Variants in KPNA3 observed in about 807,000 individuals in gnomAD.
KPNA3 encodes the protein importin subunit alpha-4.
KPNA3 carries 13 observed loss-of-function variants against 73.8 expected under a neutral mutation model. The ratio of observed to expected loss-of-function variants is 0.18; its 90% CI spans 0.11 to 0.28. The LOEUF (loss-of-function observed/expected upper bound fraction) is 0.28. KPNA3 is among the 10% of genes least tolerant of loss of function. KPNA3 has a pLI of 1.00. For missense variants in KPNA3, 360 were observed against 618.1 expected (o/e 0.58, Z 4.43); for synonymous variants, 186 against 206.9 (o/e 0.90, Z 0.87).
intron 1 of KPNA3, among the ~76,000 whole-genome samples, chr13:49,753,195 A>G (rs890515803): frequency 2.6e-5 from 4 of 152,100 alleles, no homozygotes; most frequent in Non-Finnish European, 5.9e-5. Context: ...CTGAAATTAG[A>G]AGACTTGAAC....
rs978034263 is a variant in KPNA3, at chr13:49,700,187, A to C, written c.*1613T>G. 2 of 152,640 alleles carry C rather than the reference A, an allele frequency of 1.3e-5. No homozygotes were observed. The highest frequency in any genetic ancestry group is 1.3e-4 in the Admixed American group (2 of 15,282). 9.5% of individuals were successfully genotyped at this position (152,640 alleles called of 1,614,324 possible). On this transcript the variant is annotated 3_prime_UTR_variant, in exon 17 of 17. Transcript: ENST00000261667. The stretch of plus-strand genomic sequence containing the variant: ...AGTGGCTCCACCTTGGCAGATACAT[A>C]TATTTGTAATGAATGCACACCTGCT...
In KPNA3 at chr13:49,774,778, C is replaced by T. The variant is rs1179535338; in HGVS notation, c.69+17660G>A. 4.6e-5 allele frequency among the ~76,000 whole-genome samples: 7 copies of T among 152,326 alleles called. No individual in the cohort carries two copies. The East Asian group carries it at 1.3e-3, about 29-fold the overall frequency. On this transcript the variant is annotated intron_variant, in intron 1 of 16. Coordinates refer to ENST00000261667, the MANE Select transcript of KPNA3 (RefSeq NM_002267.4). ...TGATAAACCTGGCTATGCCCCCTAACTGCTGCATGGAGCTATGTCTAACGT... is the reference window on the plus strand; with the variant it reads ...TGATAAACCTGGCTATGCCCCCTAATTGCTGCATGGAGCTATGTCTAACGT...
rs1451760712 is a variant in KPNA3 at position 49,722,471 on chromosome 13, A to G, written c.556+6T>C. 1.3e-6 allele frequency: 2 copies of G among 1,584,100 alleles called. No individual in the cohort carries two copies. Among genetic ancestry groups the G allele is most frequent in the African/African-American group, 2.7e-5 (2 of 74,076 alleles). On this transcript the variant is annotated splice_donor_region_variant and intron_variant, in intron 8 of 16. Transcript: ENST00000261667. Reference sequence around the variant, plus strand: ...TTCTTAAGAGGATTCCTTTCAAACCACTTACCTATAATGTTTCCCAAAGCC... The same window carrying G: ...TTCTTAAGAGGATTCCTTTCAAACCGCTTACCTATAATGTTTCCCAAAGCC...
intron 10 of KPNA3, among the ~76,000 whole-genome samples, chr13:49,715,003 TAA>T (rs1380363277): frequency 6.6e-6 from 1 of 151,974 alleles, no homozygotes; most frequent in Non-Finnish European, 1.5e-5. Context: ...ATCATTAATA[TAA>T]GTTTTATTAA....
At chr13:49,777,456 T>C (rs1337130724) in intron 1 of KPNA3, among the ~76,000 whole-genome samples, 1 of 152,220 alleles carries the variant, frequency 6.6e-6, no homozygotes, top group Non-Finnish European at 1.5e-5. Flanking sequence ...CTAGATTACT[T>C]ATAATACCTA....
chr13:49,732,730 T>C lies in KPNA3; in HGVS notation c.234+17A>G. Reference sequence around the variant, plus strand: ...TTCAAAATACTTCAAAACGAGAGTATTAATTTAGTAACATACCTGCAATAT... The same window carrying C: ...TTCAAAATACTTCAAAACGAGAGTACTAATTTAGTAACATACCTGCAATAT... On this transcript the variant is annotated intron_variant, in intron 4 of 16. Transcript: ENST00000261667. The C allele has an allele frequency of 6.3e-7, 1 of 1,588,374 alleles. No homozygotes were observed. The highest frequency in any genetic ancestry group is 8.6e-7 in the Non-Finnish European group (1 of 1,161,424).
intron 5 of KPNA3, 28 bp downstream of exon 5, chr13:49,732,576 AT>A: frequency 6.4e-7 from 1 of 1,562,720 alleles, no homozygotes; most frequent in Non-Finnish European, 8.8e-7. Flanking sequence ...GAATGACATA[AT>A]TCTCTCTCTA....
chr13:49,789,546 G>A (rs1180153128), intron 1 of KPNA3, among the ~76,000 whole-genome samples: 1 of 151,904 alleles, frequency 6.6e-6, no homozygotes, highest in Non-Finnish European at 1.5e-5. Context: ...TTTAGTTTTT[G>A]TCTATCCTAT....
At chr13:49,729,678 G>A (rs1310303810) in intron 6 of KPNA3, among the ~76,000 whole-genome samples, 1 of 152,192 alleles carries the variant, frequency 6.6e-6, no homozygotes, top group African/African-American at 2.4e-5. Flanking sequence ...TACTCGGGAG[G>A]CTGAGGCAGG....
intron 9 of KPNA3, among the ~76,000 whole-genome samples, chr13:49,720,302 G>A (rs1051107419): frequency 1.3e-5 from 2 of 152,110 alleles, no homozygotes; most frequent in East Asian, 1.9e-4. Flanking sequence ...AAGAAAATTC[G>A]AACCAGTACA....
intron 1 of KPNA3, among the ~76,000 whole-genome samples, chr13:49,766,422 C>T (rs373934614): frequency 6.6e-6 from 1 of 152,100 alleles, no homozygotes; most frequent in South Asian, 2.1e-4. Flanking sequence ...ATAAGACTGA[C>T]GTTTTTGGTG....
intron 1 of KPNA3, among the ~76,000 whole-genome samples, chr13:49,775,448 A>G (rs866165659): frequency 1.3e-5 from 2 of 152,164 alleles, no homozygotes; most frequent in African/African-American, 4.8e-5. Context: ...ACAGGCTCTC[A>G]TGCTAATACC....
chr13:49,766,591 T>C (rs11841547), intron 1 of KPNA3, among the ~76,000 whole-genome samples: 4,172 of 152,284 alleles, frequency 0.027, 194 homozygotes, highest in African/African-American at 0.094. Context: ...ATAGCAGAAA[T>C]TATATTAAAT....
intron 1 of KPNA3, among the ~76,000 whole-genome samples, chr13:49,758,753 T>TACAC (rs68003085): frequency 3.3e-5 from 5 of 151,614 alleles, no homozygotes; most frequent in African/African-American, 4.8e-5. Context: ...CATATAAATA[T>TACAC]ACACACACAC....
chr13:49,752,748 G>T (rs1431757384), intron 1 of KPNA3, among the ~76,000 whole-genome samples: 2 of 152,066 alleles, frequency 1.3e-5, no homozygotes, highest in Admixed American at 6.5e-5. Context: ...TATCAGAAGG[G>T]CTGGGCACGG....
chr13:49,757,112 A>T (rs533364932), intron 1 of KPNA3, among the ~76,000 whole-genome samples: 4 of 152,194 alleles, frequency 2.6e-5, no homozygotes, highest in Non-Finnish European at 4.4e-5. Context: ...ATTCTTTGGG[A>T]TCTGGGGCTA....
At chr13:49,730,251 G>C (rs1954449716) in intron 6 of KPNA3, among the ~76,000 whole-genome samples, 1 of 152,166 alleles carries the variant, frequency 6.6e-6, no homozygotes, top group African/African-American at 2.4e-5. Context: ...AGGGGCCCTA[G>C]GCCGGGCCCA....
chr13:49,763,739 G>A (rs915340863), intron 1 of KPNA3, among the ~76,000 whole-genome samples: 3 of 152,126 alleles, frequency 2.0e-5, no homozygotes, highest in Non-Finnish European at 4.4e-5. Context: ...TTCAAGACCA[G>A]CCTGGCCAAC....
intron 5 of KPNA3, 36 bp downstream of exon 5, chr13:49,732,569 T>A (rs1954480162): frequency 6.5e-7 from 1 of 1,535,872 alleles, no homozygotes; most frequent in Admixed American, 1.7e-5. Flanking sequence ...AACTGAGGAA[T>A]GACATAATTC....
Sources: allele counts gnomAD v4.1 joint callset (sites outside exome capture counted in the v4.1 genomes callset), GRCh38; gene constraint gnomAD v4.1.1; transcripts MANE v1.5; gene names NCBI Gene and HGNC (gene_info 2026-07-23, HGNC 2026-07-21).